Variants in ESRRG observed in about 807,000 individuals in gnomAD.
ESRRG encodes estrogen-related receptor gamma.
ESRRG carries 13 observed loss-of-function variants against 44.0 expected under a neutral mutation model. The ratio of observed to expected loss-of-function variants is 0.30; its 90% CI spans 0.19 to 0.47. The LOEUF is 0.47. ESRRG is among the 20% of genes least tolerant of loss of function. The pLI is 1.00. For synonymous variants in ESRRG, 215 were observed against 214.6 expected (o/e 1.00, Z -0.02); for missense variants, 395 against 580.6 (o/e 0.68, Z 3.29).
intron 2 of ESRRG, among the ~76,000 whole-genome samples, chr1:216,830,189 C>T (rs1222906412): frequency 1.3e-5 from 2 of 152,114 alleles, no homozygotes; most frequent in East Asian, 1.9e-4. Flanking sequence ...ACATTAATAA[C>T]GTAGTTAATA....
intron 1 of ESRRG, among the ~76,000 whole-genome samples, chr1:217,038,404 T>G (rs570993003): frequency 6.6e-6 from 1 of 152,240 alleles, no homozygotes; most frequent in Non-Finnish European, 1.5e-5. Flanking sequence ...CTATCTTGAA[T>G]TCCATGATCA....
chr1:216,774,063 C>T (rs557533389), intron 2 of ESRRG, among the ~76,000 whole-genome samples: 8 of 152,152 alleles, frequency 5.3e-5, no homozygotes, highest in East Asian at 3.9e-4. Context: ...AAGATGAATG[C>T]GTTCACAGCC....
At chr1:216,874,835 G>C (rs1377233340) in intron 2 of ESRRG, among the ~76,000 whole-genome samples, 1 of 152,168 alleles carries the variant, frequency 6.6e-6, no homozygotes, top group African/African-American at 2.4e-5. Flanking sequence ...AGATGGAAGA[G>C]CAGACTTGCT....
At chr1:216,752,168 G>A (rs1306081387) in intron 2 of ESRRG, among the ~76,000 whole-genome samples, 2 of 152,054 alleles carry the variant, frequency 1.3e-5, no homozygotes, top group Non-Finnish European at 2.9e-5. Flanking sequence ...AAACTGAGAT[G>A]TAAAAGAGTT....
At chr1:216,542,619 CT>C (rs1035373476) in intron 5 of ESRRG, among the ~76,000 whole-genome samples, 3 of 151,976 alleles carry the variant, frequency 2.0e-5, no homozygotes, top group Admixed American at 6.6e-5. Flanking sequence ...TCCTTCAAAA[CT>C]TTTTTTAAAC....
At chr1:216,946,058 C>T (rs1455398692) in intron 1 of ESRRG, among the ~76,000 whole-genome samples, 1 of 152,204 alleles carries the variant, frequency 6.6e-6, no homozygotes, top group Non-Finnish European at 1.5e-5. Flanking sequence ...AATGAATTAA[C>T]TTTTTGAGAA....
At chr1:216,671,054 T>G (rs2075072549) in intron 2 of ESRRG, among the ~76,000 whole-genome samples, 1 of 152,184 alleles carries the variant, frequency 6.6e-6, no homozygotes, top group Non-Finnish European at 1.5e-5. Context: ...TGCTGTACTC[T>G]TGTCCTAGGT....
chr1:216,637,584 G>A (rs756061681), intron 3 of ESRRG, among the ~76,000 whole-genome samples: 10 of 152,184 alleles, frequency 6.6e-5, no homozygotes, highest in Non-Finnish European at 4.4e-5. Context: ...ATAAATATCA[G>A]TACAGCATAT....
chr1:217,113,982 G>A (rs1383027418), intron 1 of ESRRG, among the ~76,000 whole-genome samples: 3 of 151,790 alleles, frequency 2.0e-5, no homozygotes, highest in Non-Finnish European at 4.4e-5. Context: ...CTGGGAAACA[G>A]AGTTAGACCA....
intron 1 of ESRRG, among the ~76,000 whole-genome samples, chr1:216,999,375 T>G (rs1235739705): frequency 1.3e-5 from 2 of 152,214 alleles, no homozygotes; most frequent in Admixed American, 6.5e-5. Flanking sequence ...AGCACATACA[T>G]GCTAGGAACT....
At chr1:216,996,388 G>A (rs557930733) in intron 1 of ESRRG, among the ~76,000 whole-genome samples, 1 of 152,024 alleles carries the variant, frequency 6.6e-6, no homozygotes, top group East Asian at 1.9e-4. Flanking sequence ...AAGGGGATGA[G>A]AGGAGGAAAA....
intron 3 of ESRRG, 143 bp downstream of exon 3, chr1:216,650,830 G>A (rs748627281): frequency 6.3e-5 from 43 of 685,798 alleles, no homozygotes; most frequent in Non-Finnish European, 9.7e-5. Context: ...GAAAGTCCAG[G>A]TATAAAGGAG....
intron 2 of ESRRG, among the ~76,000 whole-genome samples, chr1:216,670,470 G>C (rs2074944883): frequency 1.3e-5 from 2 of 152,200 alleles, no homozygotes; most frequent in South Asian, 4.1e-4. Flanking sequence ...TTGCCTGAAG[G>C]CTGTGGGCTT....
At chr1:216,978,613 A>G (rs1446791087) in intron 1 of ESRRG, among the ~76,000 whole-genome samples, 4 of 152,194 alleles carry the variant, frequency 2.6e-5, no homozygotes, top group Admixed American at 2.6e-4. Flanking sequence ...AGTCTCATGG[A>G]CAACCCAGTT....
chr1:217,052,170 G>A (rs987110593), intron 1 of ESRRG, among the ~76,000 whole-genome samples: 6 of 152,202 alleles, frequency 3.9e-5, no homozygotes. Flanking sequence ...ATGATTTCAA[G>A]ATGTAGAGGA....
At chr1:216,523,502 G>GTT (rs572065983) in intron 5 of ESRRG, among the ~76,000 whole-genome samples, 97 of 141,302 alleles carry the variant, frequency 6.9e-4, no homozygotes, top group African/African-American at 2.5e-3. Flanking sequence ...TTTTTTTTTT[G>GTT]TTTTTTTTTT....
At chr1:216,669,565 AGT>A (rs1260202336) in intron 2 of ESRRG, among the ~76,000 whole-genome samples, 2 of 152,252 alleles carry the variant, frequency 1.3e-5, no homozygotes, top group Admixed American at 1.3e-4. Context: ...GAAGTGGAAA[AGT>A]CAAACTTACA....
At chr1:216,700,567 A>G (rs1323533994) in intron 1 of ESRRG, among the ~76,000 whole-genome samples, 1 of 152,126 alleles carries the variant, frequency 6.6e-6, no homozygotes, top group African/African-American at 2.4e-5. Flanking sequence ...TACTGGTAAC[A>G]AGGTTCGTAA....
At chr1:216,691,223 T>C (rs1023103589) in intron 1 of ESRRG, among the ~76,000 whole-genome samples, 5 of 152,048 alleles carry the variant, frequency 3.3e-5, no homozygotes, top group African/African-American at 1.2e-4. Flanking sequence ...ATTTAGGAAG[T>C]AGAAATAAGA....
Sources: allele counts gnomAD v4.1 joint callset (sites outside exome capture counted in the v4.1 genomes callset), GRCh38; gene constraint gnomAD v4.1.1; transcripts MANE v1.5; gene names NCBI Gene and HGNC (gene_info 2026-07-23, HGNC 2026-07-21).